The following PRKG1 variants were observed in gnomAD, a reference collection of about 807,000 sequenced individuals.
PRKG1 encodes cGMP-dependent protein kinase 1.
A neutral mutation model predicts 88.1 loss-of-function variants in PRKG1; 35 were observed. That is an observed-to-expected ratio of 0.40 (90% confidence interval 0.30 to 0.53). The LOEUF (loss-of-function observed/expected upper bound fraction) is 0.53. Among genes scored for constraint, PRKG1 ranks in the 20% least tolerant of loss-of-function variants. The pLI is 0.59. For synonymous variants in PRKG1, 303 were observed against 292.5 expected (o/e 1.04, Z -0.37); for missense variants, 540 against 839.8 (o/e 0.64, Z 4.41).
chr10:51,346,714 A>T (rs1842121254), intron 2 of PRKG1, among the ~76,000 whole-genome samples: 1 of 152,240 alleles, frequency 6.6e-6, no homozygotes, highest in Non-Finnish European at 1.5e-5. Flanking sequence ...CTTCATGAGT[A>T]TAACTTCACT....
At chr10:51,201,992 G>C (rs993776065) in intron 2 of PRKG1, among the ~76,000 whole-genome samples, 3 of 152,192 alleles carry the variant, frequency 2.0e-5, no homozygotes, top group Admixed American at 2.0e-4. Flanking sequence ...TTTTTTAACA[G>C]CTACTGACTG....
chr10:51,113,704 T>C (rs1845031557), intron 1 of PRKG1, among the ~76,000 whole-genome samples: 1 of 127,090 alleles, frequency 7.9e-6, no homozygotes, highest in African/African-American at 3.1e-5. Flanking sequence ...GCCAAAGCAG[T>C]AGGAATATTT....
intron 9 of PRKG1, among the ~76,000 whole-genome samples, chr10:52,240,148 T>C (rs1167768096): frequency 6.6e-6 from 1 of 152,214 alleles, no homozygotes; most frequent in Admixed American, 6.5e-5. Context: ...ATGCACTGCA[T>C]TAAAAACTAC....
chr10:51,257,431 A>G (rs749920433), intron 2 of PRKG1, among the ~76,000 whole-genome samples: 4 of 152,298 alleles, frequency 2.6e-5, no homozygotes, highest in Non-Finnish European at 4.4e-5. Flanking sequence ...TGAAAACAAA[A>G]TTTTTAACCA....
chr10:51,898,351 A>G, intron 4 of PRKG1, among the ~76,000 whole-genome samples: 1 of 152,132 alleles, frequency 6.6e-6, no homozygotes. Context: ...TATTTAAAAT[A>G]TGTATAATAT....
intron 2 of PRKG1, among the ~76,000 whole-genome samples, chr10:51,276,226 G>C (rs1414857974): frequency 6.6e-6 from 1 of 151,764 alleles, no homozygotes; most frequent in African/African-American, 2.4e-5. Flanking sequence ...TTGGTTTTTC[G>C]TCCTTGTGAT....
intron 4 of PRKG1, among the ~76,000 whole-genome samples, chr10:51,876,817 C>T (rs1027955597): frequency 6.6e-6 from 1 of 152,114 alleles, no homozygotes; most frequent in Non-Finnish European, 1.5e-5. Flanking sequence ...GTATGATATA[C>T]CCAGTTCCCT....
At chr10:51,412,190 A>G (rs984069054) in intron 2 of PRKG1, among the ~76,000 whole-genome samples, 1 of 90,226 alleles carries the variant, frequency 1.1e-5, no homozygotes, top group Non-Finnish European at 2.5e-5. Flanking sequence ...TGAGAGAGAG[A>G]GAGAGAGAGA....
intron 3 of PRKG1, among the ~76,000 whole-genome samples, chr10:51,548,801 A>T (rs1842506936): frequency 6.6e-6 from 1 of 152,138 alleles, no homozygotes; most frequent in Admixed American, 6.6e-5. Context: ...ACAAATCTCC[A>T]GAGGCTCAGT....
At chr10:51,464,010 G>A (rs943482042) in intron 2 of PRKG1, among the ~76,000 whole-genome samples, 2 of 151,822 alleles carry the variant, frequency 1.3e-5, no homozygotes, top group African/African-American at 2.4e-5. Context: ...GATAGCTCAC[G>A]CCTGTAATCC....
At chr10:51,110,513 C>A (rs1377268783) in intron 1 of PRKG1, among the ~76,000 whole-genome samples, 1 of 151,894 alleles carries the variant, frequency 6.6e-6, no homozygotes, top group Non-Finnish European at 1.5e-5. Context: ...CAGAACAAAC[C>A]GGTGGTTGCC....
chr10:51,177,117 C>T (rs1366469381), intron 2 of PRKG1, among the ~76,000 whole-genome samples: 2 of 152,118 alleles, frequency 1.3e-5, no homozygotes, highest in Non-Finnish European at 2.9e-5. Flanking sequence ...ACTGAGGATG[C>T]CAGATGGCTT....
rs143615827 is a variant in PRKG1, at chr10:51,738,283, C to T, written c.593-66302C>T. On this transcript the variant is annotated intron_variant, in intron 3 of 17. Coordinates refer to ENST00000373980, the MANE Select transcript of PRKG1 (RefSeq NM_006258.4). ...GAGTTTTTTGTTTTCTAAATTTGTG[C>T]GCTCAGTTTAGTCCTTCAAAAGGGA... Among the ~76,000 whole-genome samples, 22 of 152,156 alleles carry T rather than the reference C, an allele frequency of 1.4e-4. No homozygotes were observed. The East Asian group carries it at 1.7e-3, about 12-fold the overall frequency.
intron 2 of PRKG1, among the ~76,000 whole-genome samples, chr10:51,284,865 CTTTTTTTTTTTTT>C (rs5784867): frequency 3.9e-5 from 2 of 51,668 alleles, no homozygotes; most frequent in Admixed American, 6.0e-4. Context: ...GTTGTGGGTA[CTTTTTTTTTTTTT>C]TTTTTTTTTA....
chr10:52,035,496 C>A (rs1845584429), intron 5 of PRKG1, among the ~76,000 whole-genome samples: 1 of 152,130 alleles, frequency 6.6e-6, no homozygotes, highest in South Asian at 2.1e-4. Context: ...GTGATTAGGC[C>A]TGGTGGAACC....
At chr10:51,788,748 G>A (rs972451253) in intron 3 of PRKG1, among the ~76,000 whole-genome samples, 3 of 152,188 alleles carry the variant, frequency 2.0e-5, no homozygotes, top group Admixed American at 6.6e-5. Context: ...TAAGGTGGCA[G>A]CGAACTGAGG....
chr10:51,277,478 G>GT (rs200176048), intron 2 of PRKG1, among the ~76,000 whole-genome samples: 21,290 of 152,146 alleles, frequency 0.14, 1,598 homozygotes, highest in East Asian at 0.19. Context: ...CTTTAAAGTA[G>GT]TTTTTTCCAA....
At chr10:51,241,286 G>A (rs1014809149) in intron 2 of PRKG1, among the ~76,000 whole-genome samples, 1 of 151,230 alleles carries the variant, frequency 6.6e-6, no homozygotes, top group African/African-American at 2.4e-5. Flanking sequence ...AGCCTGTGGA[G>A]CTAGCTCATT....
intron 1 of PRKG1, among the ~76,000 whole-genome samples, chr10:51,028,837 C>T (rs1039214511): frequency 1.3e-5 from 2 of 152,180 alleles, no homozygotes; most frequent in African/African-American, 4.8e-5. Context: ...TTTGTTCATT[C>T]GAGAATATAA....
Sources: allele counts gnomAD v4.1 joint callset (sites outside exome capture counted in the v4.1 genomes callset), GRCh38; gene constraint gnomAD v4.1.1; transcripts MANE v1.5; gene names NCBI Gene and HGNC (gene_info 2026-07-23, HGNC 2026-07-21).